The following PDZD2 variants were observed in gnomAD, a reference collection of about 807,000 sequenced individuals.
PDZD2 encodes PDZ domain containing 2.
Under a neutral mutation model 220.7 loss-of-function variants are expected in PDZD2, and 90 were observed. That is an observed-to-expected ratio of 0.41 (90% CI 0.34 to 0.49). The LOEUF (loss-of-function observed/expected upper bound fraction) is 0.49. PDZD2 is among the 20% of genes least tolerant of loss of function. The probability of loss-of-function intolerance (pLI) is 0.28; values close to 1 mark genes in which losing one functional copy is unlikely to be tolerated. For missense variants in PDZD2, 3,174 were observed against 3,608.5 expected (o/e 0.88, Z 3.08); for synonymous variants, 1,375 against 1,450.5 (o/e 0.95, Z 1.18).
At chr5:32,072,452 C>T (rs529949689) in intron 17 of PDZD2, 135 bp downstream of exon 17, 11 of 720,616 alleles carry the variant, frequency 1.5e-5, no homozygotes, top group South Asian at 4.0e-5. Flanking sequence ...GAGACCAGGC[C>T]GGGCGCGGTG....
intron 3 of PDZD2, among the ~76,000 whole-genome samples, chr5:31,989,077 G>T (rs1302818891): frequency 6.6e-6 from 1 of 152,158 alleles, no homozygotes; most frequent in Non-Finnish European, 1.5e-5. Flanking sequence ...ATATTTGGGG[G>T]ATGGAGGTGC....
chr5:32,042,116 G>A (rs1197459125), intron 7 of PDZD2, among the ~76,000 whole-genome samples: 2 of 151,664 alleles, frequency 1.3e-5, no homozygotes, highest in African/African-American at 2.4e-5. Context: ...AAAAAAATTA[G>A]CTGGGCATGG....
At chr5:31,811,732 G>A (rs1277539645) in intron 2 of PDZD2, among the ~76,000 whole-genome samples, 1 of 152,148 alleles carries the variant, frequency 6.6e-6, no homozygotes, top group African/African-American at 2.4e-5. Flanking sequence ...GCTCATGCCT[G>A]TAATCTCAGC....
chr5:32,046,912 G>A (rs751994272), intron 7 of PDZD2, among the ~76,000 whole-genome samples: 2 of 151,996 alleles, frequency 1.3e-5, no homozygotes, highest in South Asian at 2.1e-4. Flanking sequence ...GCGTGGTGGC[G>A]TGCACCTGTA....
chr5:31,696,274 G>A (rs1022087203), intron 1 of PDZD2, among the ~76,000 whole-genome samples: 30 of 152,248 alleles, frequency 2.0e-4, no homozygotes, highest in Admixed American at 1.4e-3. Flanking sequence ...AGGAAAGGGG[G>A]TTTTACTATG....
intron 1 of PDZD2, chr5:31,725,838 C>T (rs538996751): frequency 7.0e-5 from 57 of 809,364 alleles, no homozygotes; most frequent in East Asian, 6.1e-4. Flanking sequence ...CTCTCATTGC[C>T]GGAATGGCTT....
rs1319366450 is a variant in PDZD2 at position 31,895,009 on chromosome 5, C to T, written c.477-88146C>T. Among the ~76,000 whole-genome samples, 4 of 152,160 alleles carry T rather than the reference C, an allele frequency of 2.6e-5. No homozygotes were observed. In the East Asian group the frequency reaches 7.7e-4, roughly 29 times the overall value. ...GGTTCAGCTGATTGTTCTGCCTCAGCCTCCCGAGTAGCTGGGATTACAGGC... is the reference window on the plus strand; with the variant it reads ...GGTTCAGCTGATTGTTCTGCCTCAGTCTCCCGAGTAGCTGGGATTACAGGC... On this transcript the variant is annotated intron_variant, in intron 2 of 24. Transcript: ENST00000438447.
At chr5:31,649,007 C>G (rs1050078156) in intron 1 of PDZD2, among the ~76,000 whole-genome samples, 1 of 152,024 alleles carries the variant, frequency 6.6e-6, no homozygotes, top group Non-Finnish European at 1.5e-5. Flanking sequence ...GCTCTGACTC[C>G]TATTCATCCC....
At chr5:31,712,556 G>A (rs1748189306) in intron 1 of PDZD2, among the ~76,000 whole-genome samples, 1 of 151,926 alleles carries the variant, frequency 6.6e-6, no homozygotes, top group African/African-American at 2.4e-5. Context: ...TCTCTTGAGT[G>A]GGGTCACTAG....
At chr5:31,699,777 G>T (rs1450417839) in intron 1 of PDZD2, among the ~76,000 whole-genome samples, 8 of 125,916 alleles carry the variant, frequency 6.4e-5, no homozygotes, top group Non-Finnish European at 8.5e-5. Flanking sequence ...GTTTTTTTTT[G>T]TTTGTTTTTT....
intron 2 of PDZD2, among the ~76,000 whole-genome samples, chr5:31,961,672 T>C (rs1561198594): frequency 6.6e-6 from 1 of 152,212 alleles, no homozygotes; most frequent in Non-Finnish European, 1.5e-5. Flanking sequence ...TGAGACGATG[T>C]CTTGCTCTGT....
intron 14 of PDZD2, among the ~76,000 whole-genome samples, chr5:32,063,299 G>A (rs571959341): frequency 2.3e-4 from 35 of 152,184 alleles, no homozygotes; most frequent in African/African-American, 8.4e-4. Flanking sequence ...CCCACTGGAT[G>A]ATGGGATTAT....
intron 2 of PDZD2, among the ~76,000 whole-genome samples, chr5:31,956,185 G>A (rs1747661338): frequency 6.6e-6 from 1 of 152,088 alleles, no homozygotes; most frequent in Non-Finnish European, 1.5e-5. Flanking sequence ...GATTTTGTCA[G>A]AATGATCTAT....
chr5:31,995,623 T>C lies in PDZD2; in HGVS notation c.1026T>C (p.Asp342=). The change falls in exon 4 of 25, where the codon GAT becomes GAC. Residue 342 remains aspartate, a synonymous_variant. Coordinates refer to ENST00000438447, the MANE Select transcript of PDZD2 (RefSeq NM_178140.4). The part of the protein sequence containing the change: ...IWKMELLKES[D]GLGIQVSGGR... ...AGATGGAGCTGCTCAAAGAATCGGA[T>C]GGGCTGGGAATTCAGGTTAGTGGAG... 6.2e-7 allele frequency: 1 copy of C among 1,614,136 alleles called. No homozygotes were observed. Among genetic ancestry groups the C allele is most frequent in the Non-Finnish European group, 8.5e-7 (1 of 1,180,002 alleles).
intron 2 of PDZD2, among the ~76,000 whole-genome samples, chr5:31,872,013 A>T (rs1738847690): frequency 6.6e-6 from 1 of 151,682 alleles, no homozygotes; most frequent in African/African-American, 2.4e-5. Flanking sequence ...TATTAAAATG[A>T]CTCAAATATA....
rs537644211 is a variant in PDZD2, at chr5:31,945,749, C to T, written c.477-37406C>T. ...GTCTTCCCTGGCTTGGATCCAGGTGCTTCCTGGGTCTCCTCCCCCAGGAAG... is the reference window on the plus strand; with the variant it reads ...GTCTTCCCTGGCTTGGATCCAGGTGTTTCCTGGGTCTCCTCCCCCAGGAAG... On this transcript the variant is annotated intron_variant, in intron 2 of 24. Transcript: ENST00000438447. Among the ~76,000 whole-genome samples, 4 of 152,228 alleles carry T rather than the reference C, an allele frequency of 2.6e-5. No individual in the cohort carries two copies. In the East Asian group the frequency reaches 7.7e-4, roughly 29 times the overall value.
At chr5:31,935,353 T>C (rs975760247) in intron 2 of PDZD2, among the ~76,000 whole-genome samples, 3 of 152,182 alleles carry the variant, frequency 2.0e-5, no homozygotes, top group Admixed American at 2.0e-4. Flanking sequence ...TAGAAACTAC[T>C]ATATATGTGT....
At chr5:31,662,570 C>T (rs574561208) in intron 1 of PDZD2, among the ~76,000 whole-genome samples, 47 of 152,312 alleles carry the variant, frequency 3.1e-4, no homozygotes, top group Admixed American at 7.2e-4. Flanking sequence ...TGCTCCCAGG[C>T]AGGGATGGTG....
At chr5:32,020,023 A>T (rs58074654) in intron 6 of PDZD2, among the ~76,000 whole-genome samples, 3,310 of 151,636 alleles carry the variant, frequency 0.022, 139 homozygotes, top group East Asian at 0.19. Context: ...GCTGAAATGT[A>T]AAGTAGAATA....
Sources: gnomAD v4.1 joint callset for allele counts (sites outside exome capture counted in the v4.1 genomes callset) on GRCh38, gnomAD v4.1.1 for gene constraint, MANE v1.5 for transcripts, NCBI Gene and HGNC (gene_info 2026-07-23, HGNC 2026-07-21) for gene names.